LRP2: variants seen among roughly 807,000 people sequenced by gnomAD.
The protein encoded by LRP2 is low-density lipoprotein receptor-related protein 2.
Under a neutral mutation model 531.0 loss-of-function variants are expected in LRP2, and 172 were observed. The ratio of observed to expected loss-of-function variants is 0.32; its 90% CI spans 0.29 to 0.37. The LOEUF (loss-of-function observed/expected upper bound fraction) is 0.37, where lower values mean the gene tolerates loss of function less well. LRP2 is among the 10% of genes least tolerant of loss of function. LRP2 has a pLI of 1.00. For missense variants in LRP2, 5,167 were observed against 5,868.3 expected (o/e 0.88, Z 3.90); for synonymous variants, 1,992 against 2,027.6 (o/e 0.98, Z 0.47).
chr2:169,128,418 T>C lies in LRP2; in HGVS notation c.*245A>G. On this transcript the variant is annotated 3_prime_UTR_variant, in exon 79 of 79. Coordinates refer to ENST00000649046, the MANE Select transcript of LRP2 (RefSeq NM_004525.3). Reference sequence around the variant, plus strand: ...TTCCAAAATTTACAAATATACAATATATTTATAGTATTACCTTCAGACAAC... The same window carrying C: ...TTCCAAAATTTACAAATATACAATACATTTATAGTATTACCTTCAGACAAC... 1 of 388,664 alleles carries C rather than the reference T, an allele frequency of 2.6e-6. No homozygotes were observed. Among genetic ancestry groups the C allele is most frequent in the Non-Finnish European group, 4.7e-6 (1 of 212,220 alleles). The allele number at this position is 388,664 out of a possible 1,614,324, so 24.1% of individuals were successfully genotyped here.
chr2:169,254,790 A>G (rs1210268878), intron 19 of LRP2, among the ~76,000 whole-genome samples: 1 of 152,030 alleles, frequency 6.6e-6, no homozygotes, highest in Admixed American at 6.6e-5. Flanking sequence ...TCGAATCCCA[A>G]AACATCCCAG....
intron 64 of LRP2, among the ~76,000 whole-genome samples, chr2:169,156,703 C>T (rs1686343785): frequency 6.6e-6 from 1 of 152,168 alleles, no homozygotes; most frequent in Non-Finnish European, 1.5e-5. Context: ...TCTGCAATAG[C>T]AGAGCACATT....
rs150481390 is a variant in LRP2, at chr2:169,260,758, C to G, written c.2321-1541G>C. ...TTATAGTTGCTACATAGATAGTAATCAAAGGCAGGAAAGGTGTGAAATTAT... is the reference window on the plus strand; with the variant it reads ...TTATAGTTGCTACATAGATAGTAATGAAAGGCAGGAAAGGTGTGAAATTAT... On this transcript the variant is annotated intron_variant, in intron 16 of 78. Coordinates refer to ENST00000649046, the MANE Select transcript of LRP2 (RefSeq NM_004525.3). Among the ~76,000 whole-genome samples the G allele has an allele frequency of 5.4e-3, 822 of 151,548 alleles. 10 individuals carry two copies. Among genetic ancestry groups the G allele is most frequent in the African/African-American group, 0.019 (776 of 41,296 alleles).
In LRP2 at chr2:169,140,384, G is replaced by T. The variant is rs570819480; in HGVS notation, c.13199+71C>A. 1.5e-4 allele frequency: 179 copies of T among 1,189,338 alleles called. 1 individual carries two copies. In the South Asian group the frequency reaches 2.0e-3, roughly 14 times the overall value. The allele number at this position is 1,189,338 out of a possible 1,614,324, so 73.7% of individuals were successfully genotyped here. A position where few individuals can be genotyped will look rare whatever the true frequency, so the allele number is the denominator to read the frequency against. On this transcript the variant is annotated intron_variant, in intron 72 of 78. Transcript: ENST00000649046. ...TGAGGTTCCTGTATTTGTTTTCCTGGCTACTTTAAGGTCTCAAATTTCCCC... is the reference window on the plus strand; with the variant it reads ...TGAGGTTCCTGTATTTGTTTTCCTGTCTACTTTAAGGTCTCAAATTTCCCC...
rs78745237 is a variant in LRP2, at chr2:169,197,291, C to T, written c.8579-261G>A. ...AAAAAAATTGTATTTGTTAGAAATA[C>T]CAAAGAACTATCTTTGTGATAAATG... On this transcript the variant is annotated intron_variant, in intron 45 of 78. Coordinates refer to ENST00000649046, the MANE Select transcript of LRP2 (RefSeq NM_004525.3). 0.03 allele frequency among the ~76,000 whole-genome samples: 4,487 copies of T among 151,948 alleles called. 196 individuals carry two copies. The highest frequency in any genetic ancestry group is 0.1 in the African/African-American group (4,149 of 41,450).
At chr2:169,361,340 G>GTCTCTCTCTC (rs1240569991) in intron 1 of LRP2, among the ~76,000 whole-genome samples, 1 of 23,272 alleles carries the variant, frequency 4.3e-5, no homozygotes, top group Non-Finnish European at 8.9e-5. Context: ...GTCTCTCTCT[G>GTCTCTCTCTC]TCTCTCTCTG....
At chr2:169,317,895 A>T (rs1383761798) in intron 3 of LRP2, among the ~76,000 whole-genome samples, 1 of 152,136 alleles carries the variant, frequency 6.6e-6, no homozygotes, top group Non-Finnish European at 1.5e-5. Flanking sequence ...TGGGAAACGT[A>T]ACAAGATCGT....
At chr2:169,262,818 A>C (rs1197746003) in intron 16 of LRP2, among the ~76,000 whole-genome samples, 1 of 152,094 alleles carries the variant, frequency 6.6e-6, no homozygotes, top group Non-Finnish European at 1.5e-5. Flanking sequence ...ACAAAGCTGG[A>C]GGCATCACAC....
intron 62 of LRP2, among the ~76,000 whole-genome samples, chr2:169,163,786 C>T (rs1005959827): frequency 3.3e-5 from 5 of 152,160 alleles, no homozygotes; most frequent in South Asian, 2.1e-4. Flanking sequence ...AGAAAGCTGC[C>T]GTGCTGGCCC....
rs1207387371 is a variant in LRP2 at position 169,146,969 on chromosome 2, A to G, written c.12591-10T>C. ...AGTCCAGAACATAAGCCTATAACAG[A>G]AGATTTCTTCACTGTAGCATCTCAC... On this transcript the variant is annotated splice_polypyrimidine_tract_variant and intron_variant, in intron 68 of 78. Coordinates refer to ENST00000649046, the MANE Select transcript of LRP2 (RefSeq NM_004525.3). 3 of 1,594,348 alleles carry G rather than the reference A, an allele frequency of 1.9e-6. No homozygotes were observed.
chr2:169,200,363 A>G (rs996225592), intron 44 of LRP2, among the ~76,000 whole-genome samples: 14 of 152,216 alleles, frequency 9.2e-5, no homozygotes, highest in Non-Finnish European at 1.5e-4. Flanking sequence ...ACCCTGTGAT[A>G]ATTTCTAAGT....
At chr2:169,152,731 T>C in intron 67 of LRP2, 68 bp downstream of exon 67, 5 of 1,547,402 alleles carry the variant, frequency 3.2e-6, no homozygotes, top group Non-Finnish European at 4.5e-6. Context: ...TCATGGCCCA[T>C]GGAGTGCAGT....
At position 169,266,383 on chromosome 2, in the gene LRP2, G is replaced by A. The variant is rs538529473; in HGVS notation, c.2320+4521C>T. ...GAGCAGGTCTGGATTAGGGGCAGGG[G>A]AGGGTGGGCAATATGGTTTTATATT... On this transcript the variant is annotated intron_variant, in intron 16 of 78. Coordinates refer to ENST00000649046, the MANE Select transcript of LRP2 (RefSeq NM_004525.3). Among the ~76,000 whole-genome samples the A allele has an allele frequency of 3.6e-4, 54 of 152,094 alleles. No individual in the cohort carries two copies. In the South Asian group the frequency reaches 9.1e-3, roughly 26 times the overall value.
intron 75 of LRP2, among the ~76,000 whole-genome samples, chr2:169,138,342 A>G (rs923620074): frequency 2.6e-5 from 4 of 152,218 alleles, no homozygotes; most frequent in African/African-American, 7.2e-5. Context: ...CAGACTGTTC[A>G]TGATTCCAAT....
chr2:169,346,428 T>C (rs1685698636), intron 1 of LRP2, among the ~76,000 whole-genome samples: 1 of 152,126 alleles, frequency 6.6e-6, no homozygotes, highest in African/African-American at 2.4e-5. Flanking sequence ...GAAGTGACCT[T>C]GAAAAAAAAA....
rs1014040945 is a variant in LRP2 at position 169,152,875 on chromosome 2, T to G, written c.12385A>C (p.Asn4129His). 6.2e-7 allele frequency: 1 copy of G among 1,614,084 alleles called. No homozygotes were observed. Among genetic ancestry groups the G allele is most frequent in the South Asian group, 1.1e-5 (1 of 91,076 alleles). Residue 4129 changes from asparagine to histidine, a missense_variant, in exon 67 of 79, where the codon AAT becomes CAT. Coordinates refer to ENST00000649046, the MANE Select transcript of LRP2 (RefSeq NM_004525.3). ...TTCAGGTCAACTTCCTGCACAAGAT[T>G]ATTGCGGCCGGATTCAAAGTTGGGG... ...YIPNFESGRN[N>H]LVQEVDLKLK...
Position 169,277,828 on chromosome 2 carries a change from A to G in LRP2, c.1689T>C (p.Thr563=). 1 of 1,614,152 alleles carries G rather than the reference A, an allele frequency of 6.2e-7. No individual in the cohort carries two copies. Among genetic ancestry groups the G allele is most frequent in the South Asian group, 1.1e-5 (1 of 91,082 alleles). Residue 563 remains threonine (T), a synonymous_variant, in exon 13 of 79, where the codon ACT becomes ACC. Coordinates refer to ENST00000649046, the MANE Select transcript of LRP2 (RefSeq NM_004525.3). ...KTKLGWPAGV[T]LDMISKRVYW... Reference sequence around the variant, plus strand: ...AAACACGCTTCGATATCATATCCAGAGTTACCCCAGCAGGCCATCCCAGCT... The same window carrying G: ...AAACACGCTTCGATATCATATCCAGGGTTACCCCAGCAGGCCATCCCAGCT...
At chr2:169,164,557 G>A (rs1032301649) in intron 62 of LRP2, among the ~76,000 whole-genome samples, 1 of 152,222 alleles carries the variant, frequency 6.6e-6, no homozygotes. Flanking sequence ...TCATTTCCAG[G>A]CTCAGGAAGT....
At chr2:169,130,684 C>T (rs1055920010) in intron 77 of LRP2, among the ~76,000 whole-genome samples, 11 of 152,160 alleles carry the variant, frequency 7.2e-5, no homozygotes, top group Admixed American at 2.0e-4. Flanking sequence ...CTCACCCAAG[C>T]GCCTCTACTG....
Sources: allele counts gnomAD v4.1 joint callset (sites outside exome capture counted in the v4.1 genomes callset), GRCh38; gene constraint gnomAD v4.1.1; transcripts MANE v1.5; gene names NCBI Gene and HGNC (gene_info 2026-07-23, HGNC 2026-07-21).